MEGF10: variants seen among roughly 807,000 people sequenced by gnomAD.
The protein encoded by MEGF10 is multiple EGF like domains 10.
Under a neutral mutation model 147.5 loss-of-function variants are expected in MEGF10, and 86 were observed. That is an observed-to-expected ratio of 0.58 (90% CI 0.49 to 0.70). The LOEUF is 0.70. Among genes scored for constraint, MEGF10 ranks in the 30% least tolerant of loss-of-function variants. The pLI is 0.00. For synonymous variants in MEGF10, 478 were observed against 525.5 expected, an observed-to-expected ratio of 0.91 and a Z score of 1.24; for missense variants, 1,329 against 1,487.3, an observed-to-expected ratio of 0.89 and a Z score of 1.75.
intron 1 of MEGF10, among the ~76,000 whole-genome samples, chr5:127,296,221 G>C (rs1759492837): frequency 6.6e-6 from 1 of 152,230 alleles, no homozygotes; most frequent in Non-Finnish European, 1.5e-5. Flanking sequence ...GGAATGGCAA[G>C]TCACTGTGTG....
In MEGF10 at chr5:127,435,480, T is replaced by G; in HGVS notation, c.2095T>G (p.Cys699Gly). 1 of 1,613,570 alleles carries G rather than the reference T, an allele frequency of 6.2e-7. No individual in the cohort carries two copies. Among genetic ancestry groups the G allele is most frequent in the Non-Finnish European group, 8.5e-7 (1 of 1,179,816 alleles). ...QCYPGWIGSD[C>G]SQPCPPAHWG... is the part of the protein sequence containing the mutation. ...TTACCCCGGTTGGATTGGCAGTGAC[T>G]GCTCTCAACGTAAGTCTTGTTTGAG... Residue 699 changes from cysteine to glycine, a missense_variant, in exon 16 of 25, where the codon TGC becomes GGC. By Grantham distance (159) the Cys-to-Gly change is radical (BLOSUM62 -3). Around this residue, in one of 3 missense-constraint regions of MEGF10, gnomAD observed 980 missense variants for 1,085.9 expected, o/e 0.90. Transcript: ENST00000503335.
At chr5:127,344,810 C>G (rs942660609) in intron 4 of MEGF10, among the ~76,000 whole-genome samples, 1 of 152,192 alleles carries the variant, frequency 6.6e-6, no homozygotes, top group Non-Finnish European at 1.5e-5. Context: ...GTAAATAGAT[C>G]TTACACATGC....
chr5:127,346,908 G>C (rs1761915339), intron 4 of MEGF10, among the ~76,000 whole-genome samples: 1 of 152,024 alleles, frequency 6.6e-6, no homozygotes, highest in South Asian at 2.1e-4. Flanking sequence ...TGGAACTCAA[G>C]TCTAAGCATG....
intron 4 of MEGF10, among the ~76,000 whole-genome samples, chr5:127,363,278 A>C (rs540129262): frequency 6.6e-6 from 1 of 152,358 alleles, no homozygotes; most frequent in African/African-American, 2.4e-5. Flanking sequence ...TTACTGCAAT[A>C]AATAGAGATT....
At chr5:127,410,356 T>G in intron 8 of MEGF10, 33 bp from the exon 9 acceptor site, 1 of 1,600,170 alleles carries the variant, frequency 6.2e-7, no homozygotes, top group Non-Finnish European at 8.6e-7. Context: ...CACTAACTAA[T>G]CTTTCTTCTT....
chr5:127,316,069 A>G (rs999726841), intron 1 of MEGF10, among the ~76,000 whole-genome samples: 2 of 152,220 alleles, frequency 1.3e-5, no homozygotes, highest in Admixed American at 1.3e-4. Context: ...CTTTTTATCA[A>G]TGGAGATGCA....
chr5:127,451,888 A>T (rs1766166136), intron 22 of MEGF10, among the ~76,000 whole-genome samples: 1 of 152,230 alleles, frequency 6.6e-6, no homozygotes, highest in Non-Finnish European at 1.5e-5. Context: ...AGGTGCTTTA[A>T]ATGATGGAAT....
At chr5:127,366,731 A>G (rs963086856) in intron 4 of MEGF10, among the ~76,000 whole-genome samples, 1 of 152,166 alleles carries the variant, frequency 6.6e-6, no homozygotes, top group African/African-American at 2.4e-5. Flanking sequence ...AATTGACTGA[A>G]CTTCTTGGAA....
At chr5:127,247,485 G>GA in the MEGF10 span, among the ~76,000 whole-genome samples, 3 of 140,440 alleles carry the variant, frequency 2.1e-5, no homozygotes, top group African/African-American at 8.5e-5. Flanking sequence ...AGAAGAAGAA[G>GA]AAAAATTTAA....
At chr5:127,329,461 T>G in intron 1 of MEGF10, among the ~76,000 whole-genome samples, 1 of 152,164 alleles carries the variant, frequency 6.6e-6, no homozygotes, top group Non-Finnish European at 1.5e-5. Context: ...ATTTAATATT[T>G]CCTCATTTGA....
chr5:127,291,169 T>G (rs1006359798), intron 1 of MEGF10, 113 bp downstream of exon 1: 10 of 152,250 alleles, frequency 6.6e-5, no homozygotes, highest in African/African-American at 2.4e-4. Flanking sequence ...GGGTGCGGCG[T>G]GAGGTGGGGC....
intron 9 of MEGF10, among the ~76,000 whole-genome samples, chr5:127,411,569 T>C (rs150391342): frequency 0.019 from 2,943 of 151,866 alleles, 43 homozygotes; most frequent in Non-Finnish European, 0.025. Context: ...TGTGTGTGTG[T>C]GCGCGCATAT....
intron 2 of MEGF10, among the ~76,000 whole-genome samples, chr5:127,338,694 T>G (rs1259104027): frequency 6.6e-6 from 1 of 152,156 alleles, no homozygotes; most frequent in African/African-American, 2.4e-5. Flanking sequence ...CAAAATGCAC[T>G]CTATTACTTT....
At chr5:127,375,810 C>A (rs894656958) in intron 5 of MEGF10, among the ~76,000 whole-genome samples, 9 of 152,206 alleles carry the variant, frequency 5.9e-5, no homozygotes, top group Non-Finnish European at 1.0e-4. Flanking sequence ...CACAGTAAAA[C>A]TTCCATTTAA....
the MEGF10 span, among the ~76,000 whole-genome samples, chr5:127,237,836 A>C: frequency 6.6e-6 from 1 of 151,536 alleles, no homozygotes; most frequent in African/African-American, 2.4e-5. Flanking sequence ...CCCTTCCTCT[A>C]TTTCTGTCAT....
At chr5:127,274,321 T>A in the MEGF10 span, among the ~76,000 whole-genome samples, 1 of 152,180 alleles carries the variant, frequency 6.6e-6, no homozygotes, top group African/African-American at 2.4e-5. Flanking sequence ...TTTGTTTCAA[T>A]GAAGAAACCT....
At chr5:127,328,755 G>A (rs1226114390) in intron 1 of MEGF10, among the ~76,000 whole-genome samples, 3 of 151,560 alleles carry the variant, frequency 2.0e-5, no homozygotes, top group African/African-American at 7.3e-5. Flanking sequence ...TTATGAGTAG[G>A]TTACTGCTTA....
At chr5:127,386,797 G>A (rs1442582247) in intron 5 of MEGF10, among the ~76,000 whole-genome samples, 1 of 152,358 alleles carries the variant, frequency 6.6e-6, no homozygotes, top group African/African-American at 2.4e-5. Context: ...GTTGGAGGAT[G>A]TTTTTCTAGG....
intron 9 of MEGF10, among the ~76,000 whole-genome samples, chr5:127,412,457 G>C (rs902405614): frequency 2.6e-5 from 4 of 152,160 alleles, no homozygotes; most frequent in African/African-American, 9.7e-5. Context: ...TGAAAGTCTA[G>C]TTTGTTCACA....
Sources: gnomAD v4.1 joint callset for allele counts (sites outside exome capture counted in the v4.1 genomes callset) on GRCh38, gnomAD v4.1.1 for gene constraint, gnomAD v4.1.1 regional missense constraint, MANE v1.5 for transcripts, NCBI Gene and HGNC (gene_info 2026-07-23, HGNC 2026-07-21) for gene names.